FGF14: variants seen among roughly 807,000 people sequenced by gnomAD.
FGF14 encodes fibroblast growth factor homologous factor 4.
FGF14 carries 5 observed loss-of-function variants against 25.5 expected under a neutral mutation model. The observed-to-expected ratio is 0.20, with a 90% confidence interval of 0.10 to 0.41. FGF14 has a LOEUF of 0.41. FGF14 is among the 10% of genes least tolerant of loss of function. FGF14 has a pLI of 1.00. For synonymous variants in FGF14, 138 were observed against 118.3 expected, an observed-to-expected ratio of 1.17 and a Z score of -1.08; for missense variants, 222 against 320.1, an observed-to-expected ratio of 0.69 and a Z score of 2.34.
intron 1 of FGF14, among the ~76,000 whole-genome samples, chr13:102,086,516 A>C (rs557561999): frequency 3.2e-4 from 49 of 151,996 alleles, no homozygotes; most frequent in Non-Finnish European, 5.1e-4. Context: ...GGCGACAGAG[A>C]GAGACTCCGT....
rs149661933 is a variant in FGF14 at position 101,722,800 on chromosome 13, C to T, written c.*31G>A. 0.013 allele frequency: 20,651 copies of T among 1,612,712 alleles called. 146 individuals are homozygous for T. Among genetic ancestry groups the T allele is most frequent in the Non-Finnish European group, 0.015 (17,829 of 1,179,166 alleles). Reference sequence around the variant, plus strand: ...ATAAATCACTCAACTGTGCTCAGGACGAATAAGTCACAACACCTGTGAGGA... The same window carrying T: ...ATAAATCACTCAACTGTGCTCAGGATGAATAAGTCACAACACCTGTGAGGA... On this transcript the variant is annotated 3_prime_UTR_variant, in exon 5 of 5. Coordinates refer to ENST00000376143, the MANE Select transcript of FGF14 (RefSeq NM_004115.4).
Position 101,916,456 on chromosome 13 carries a change from G to C in FGF14, c.190C>G (p.Gln64Glu). ...FGLKKRRLRRQDPQLKGIVTR... is the reference protein window; with the variant it reads ...FGLKKRRLRREDPQLKGIVTR... ...CCCGACCATGACCCCCACAGACCTT[G>C]GCGCCGCAACCTGCGCTTCTTGAGG... The change falls in exon 1 of 5, where the codon CAA (glutamine) becomes GAA (glutamate). Residue 64 changes from glutamine to glutamate, a missense_variant. By Grantham distance (29) the Gln-to-Glu change is conservative (BLOSUM62 2). Around this residue, in one of 5 missense-constraint regions of FGF14, gnomAD observed 80 missense variants for 72.2 expected, o/e 1.11. Transcript: ENST00000376143. The C allele has an allele frequency of 3.1e-6, 5 of 1,613,944 alleles. No individual in the cohort carries two copies. The highest frequency in any genetic ancestry group is 4.2e-6 in the Non-Finnish European group (5 of 1,179,924).
At chr13:102,326,655 G>T (rs1481630717) in intron 1 of FGF14, among the ~76,000 whole-genome samples, 1 of 88,536 alleles carries the variant, frequency 1.1e-5, no homozygotes, top group East Asian at 3.2e-4. Context: ...GAGGAGAAGG[G>T]AGGGGAAGGG....
chr13:102,222,997 T>G (rs140694084), intron 1 of FGF14, among the ~76,000 whole-genome samples: 1 of 152,306 alleles, frequency 6.6e-6, no homozygotes, highest in Admixed American at 6.5e-5. Context: ...TCAATAGAAG[T>G]CTTTCATCAT....
intron 1 of FGF14, among the ~76,000 whole-genome samples, chr13:102,161,082 A>T (rs1290761969): frequency 6.6e-6 from 1 of 152,204 alleles, no homozygotes; most frequent in Non-Finnish European, 1.5e-5. Context: ...AGAGAGAGAA[A>T]GAAACAATGG....
intron 3 of FGF14, among the ~76,000 whole-genome samples, chr13:101,795,427 C>T (rs2040466908): frequency 6.6e-6 from 1 of 152,032 alleles, no homozygotes; most frequent in Non-Finnish European, 1.5e-5. Flanking sequence ...TTTAAGGTAA[C>T]TAGTAACTTA....
rs188419036 is a variant in FGF14 at position 101,719,946 on chromosome 13, G to A, written c.*2885C>T. The A allele has an allele frequency of 1.3e-5, 2 of 152,148 alleles. No individual in the cohort carries two copies. Among genetic ancestry groups the A allele is most frequent in the Admixed American group, 1.3e-4 (2 of 15,268 alleles). The allele number at this position is 152,148 out of a possible 1,614,324, so 9.4% of individuals were successfully genotyped here. Reference sequence around the variant, plus strand: ...AAAGAGCTAAAATTTTCTTTGGCATGGTAAAGGGGGAAATTGAGTTTACCA... The same window carrying A: ...AAAGAGCTAAAATTTTCTTTGGCATAGTAAAGGGGGAAATTGAGTTTACCA... On this transcript the variant is annotated 3_prime_UTR_variant, in exon 5 of 5. Transcript: ENST00000376143.
chr13:102,083,290 C>T (rs541781681), intron 1 of FGF14, among the ~76,000 whole-genome samples: 1 of 152,306 alleles, frequency 6.6e-6, no homozygotes, highest in East Asian at 1.9e-4. Context: ...TTCCTTCAGC[C>T]TATTGTCAAC....
chr13:101,943,523 A>T (rs569112478), intron 1 of FGF14, among the ~76,000 whole-genome samples: 1 of 152,284 alleles, frequency 6.6e-6, no homozygotes, highest in South Asian at 2.1e-4. Flanking sequence ...CCTCACAACA[A>T]AGTATTATCC....
chr13:101,903,780 C>T (rs188196365), intron 1 of FGF14, among the ~76,000 whole-genome samples: 16 of 152,264 alleles, frequency 1.1e-4, no homozygotes, highest in Admixed American at 6.5e-4. Flanking sequence ...AAGGCAGAGA[C>T]AGGGAGACAG....
intron 1 of FGF14, among the ~76,000 whole-genome samples, chr13:102,386,434 T>C (rs2058305177): frequency 6.6e-6 from 1 of 152,076 alleles, no homozygotes; most frequent in Admixed American, 6.6e-5. Flanking sequence ...GCCTGGCCCC[T>C]ACAAAAATAT....
In FGF14 at chr13:101,726,640, T is replaced by C. The variant is rs138607344; in HGVS notation, c.579A>G (p.Ala193=). The change falls in exon 4 of 5, where the codon GCA becomes GCG. Residue 193 remains alanine (A), a synonymous_variant. Transcript: ENST00000376143. ...CCAATGGCTTGGGTAGAAAATGAGCTGCTGGTTTGGTTTTCTTTACTCTGT... is the reference window on the plus strand; with the variant it reads ...CCAATGGCTTGGGTAGAAAATGAGCCGCTGGTTTGGTTTTCTTTACTCTGT... The part of the protein sequence containing the change: ...KGNRVKKTKP[A]AHFLPKPLEV... 6.2e-7 allele frequency: 1 copy of C among 1,613,482 alleles called. No individual in the cohort carries two copies. The highest frequency in any genetic ancestry group is 8.5e-7 in the Non-Finnish European group (1 of 1,179,602).
chr13:102,010,905 T>C (rs1306923407), intron 1 of FGF14, among the ~76,000 whole-genome samples: 2 of 152,192 alleles, frequency 1.3e-5, no homozygotes. Flanking sequence ...TGGAGAAACT[T>C]ACACTTAAGA....
intron 1 of FGF14, among the ~76,000 whole-genome samples, chr13:101,958,537 C>T (rs563501905): frequency 6.6e-6 from 1 of 152,184 alleles, no homozygotes; most frequent in East Asian, 1.9e-4. Context: ...CTTGTGTTCT[C>T]TCTACACTCC....
intron 1 of FGF14, among the ~76,000 whole-genome samples, chr13:101,991,806 T>C (rs2038920889): frequency 6.6e-6 from 1 of 152,084 alleles, no homozygotes; most frequent in African/African-American, 2.4e-5. Context: ...GGGGCTAGTC[T>C]CGGCAAGAAG....
At chr13:101,875,439 T>C in intron 1 of FGF14, 143 bp from the exon 2 acceptor site, 2 of 683,388 alleles carry the variant, frequency 2.9e-6, no homozygotes, top group Admixed American at 2.3e-5. Context: ...TCTTCTGTGT[T>C]TTATCAAACC....
chr13:101,714,522 G>A lies in FGF14; in HGVS notation c.*8309C>T. On this transcript the variant is annotated 3_prime_UTR_variant, in exon 5 of 5. Coordinates refer to ENST00000376143, the MANE Select transcript of FGF14 (RefSeq NM_004115.4). ...TTCTGTGACTGTGATGACAGAGACT[G>A]CGACAAACATGATGGTCTCATTTGT... is the stretch of plus-strand genomic sequence containing the variant. 2 of 1,608,940 alleles carry A rather than the reference G, an allele frequency of 1.2e-6. No homozygotes were observed. Among genetic ancestry groups the A allele is most frequent in the Non-Finnish European group, 1.7e-6 (2 of 1,175,324 alleles).
At chr13:101,760,828 C>G (rs1044400629) in intron 3 of FGF14, among the ~76,000 whole-genome samples, 1 of 152,158 alleles carries the variant, frequency 6.6e-6, no homozygotes, top group African/African-American at 2.4e-5. Flanking sequence ...CTGTCTTCTT[C>G]CACTGGAATG....
At chr13:102,272,554 A>T (rs550457006) in intron 1 of FGF14, among the ~76,000 whole-genome samples, 1 of 152,282 alleles carries the variant, frequency 6.6e-6, no homozygotes, top group African/African-American at 2.4e-5. Context: ...AATATCTAAC[A>T]TTTATTAAAT....
Sources: allele counts gnomAD v4.1 joint callset (sites outside exome capture counted in the v4.1 genomes callset), GRCh38; gene constraint gnomAD v4.1.1; regional missense constraint gnomAD v4.1.1; transcripts MANE v1.5; gene names NCBI Gene and HGNC (gene_info 2026-07-23, HGNC 2026-07-21).